The following STXBP3 variants were observed in gnomAD, a reference collection of about 807,000 sequenced individuals.
STXBP3 encodes the protein syntaxin binding protein 3.
In STXBP3, 41 loss-of-function variants were observed where a neutral mutation model predicts 85.7. The observed-to-expected ratio is 0.48, with a 90% CI of 0.37 to 0.62. STXBP3 has a LOEUF of 0.62. STXBP3 is among the 20% of genes least tolerant of loss of function. The pLI, the probability that STXBP3 is intolerant of heterozygous loss-of-function variation, is 0.00. For missense variants in STXBP3, 563 were observed against 703.1 expected, an observed-to-expected ratio of 0.80 and a Z score of 2.25; for synonymous variants, 229 against 231.7, an observed-to-expected ratio of 0.99 and a Z score of 0.10.
At chr1:108,767,269 G>T in intron 6 of STXBP3, 1 of 229,184 alleles carries the variant, frequency 4.4e-6, no homozygotes, top group Non-Finnish European at 8.6e-6. Flanking sequence ...GTCATGTGCT[G>T]TAAATGTGTG....
chr1:108,757,130 TTC>T (rs1051415168), intron 4 of STXBP3: 4 of 160,724 alleles, frequency 2.5e-5, no homozygotes, highest in African/African-American at 9.6e-5. Context: ...CTCAGTGACT[TTC>T]CTGTAGCATA....
intron 11 of STXBP3, among the ~76,000 whole-genome samples, chr1:108,783,969 G>T (rs1312437650): frequency 6.9e-6 from 1 of 144,666 alleles, no homozygotes; most frequent in Non-Finnish European, 1.5e-5. Flanking sequence ...AAGGTCTTTT[G>T]CCCATTTTTA....
Position 108,751,276 on chromosome 1 carries a change from G to A in STXBP3, c.50-981G>A, listed in dbSNP as rs141453523. ...CAGACGGAAGAGATGCTATCACTCA[G>A]GAGATTCCAAGGTCTTTAGGGGCTC... On this transcript the variant is annotated intron_variant, in intron 1 of 18. Transcript: ENST00000370008. 2.8e-3 allele frequency among the ~76,000 whole-genome samples: 433 copies of A among 152,236 alleles called. 1 individual carries two copies. Among genetic ancestry groups the A allele is most frequent in the African/African-American group, 0.01 (425 of 41,538 alleles).
At chr1:108,774,811 T>G (rs766192819) in intron 7 of STXBP3, among the ~76,000 whole-genome samples, 1 of 152,026 alleles carries the variant, frequency 6.6e-6, no homozygotes, top group Non-Finnish European at 1.5e-5. Context: ...GCTAAGTGGT[T>G]TGGCTCCTGT....
chr1:108,755,290 C>CA (rs1661996036), intron 3 of STXBP3, among the ~76,000 whole-genome samples: 1 of 151,642 alleles, frequency 6.6e-6, no homozygotes, highest in Non-Finnish European at 1.5e-5. Flanking sequence ...TACTAAAATC[C>CA]AAAAAAATTA....
At position 108,776,432 on chromosome 1, in the gene STXBP3, T is replaced by C. The variant is rs1662596271; in HGVS notation, c.684+9T>C. 3.8e-6 allele frequency: 6 copies of C among 1,586,586 alleles called. No homozygotes were observed. In the East Asian group the frequency reaches 6.7e-5, roughly 18 times the overall value. On this transcript the variant is annotated intron_variant, in intron 8 of 18. Coordinates refer to ENST00000370008, the MANE Select transcript of STXBP3 (RefSeq NM_007269.4). ...AAAAGAGCCTAATAAAGGTAATGTA[T>C]GCAAGGCAAGTAATGACTATGCATA... is the stretch of plus-strand genomic sequence containing the variant.
intron 16 of STXBP3, among the ~76,000 whole-genome samples, chr1:108,798,662 C>T (rs1663168034): frequency 6.6e-6 from 1 of 152,134 alleles, no homozygotes. Flanking sequence ...GATCCACCCA[C>T]CTTGGCCTCC....
rs1410398158 is a variant in STXBP3 at position 108,749,939 on chromosome 1, C to T, written c.50-2318C>T. 2.6e-5 allele frequency among the ~76,000 whole-genome samples: 4 copies of T among 152,028 alleles called. No homozygotes were observed. In the East Asian group the frequency reaches 7.7e-4, roughly 29 times the overall value. Reference sequence around the variant, plus strand: ...TTGACCTAATAAGTTTTTTACATTCCTTTTTTTGTGCTAAGGTTTTTTGAA... The same window carrying T: ...TTGACCTAATAAGTTTTTTACATTCTTTTTTTTGTGCTAAGGTTTTTTGAA... On this transcript the variant is annotated intron_variant, in intron 1 of 18. Coordinates refer to ENST00000370008, the MANE Select transcript of STXBP3 (RefSeq NM_007269.4).
Position 108,746,803 on chromosome 1 carries a change from A to G in STXBP3, c.49+17A>G, listed in dbSNP as rs757409283. The G allele has an allele frequency of 1.3e-6, 2 of 1,542,760 alleles. No homozygotes were observed. Among genetic ancestry groups the G allele is most frequent in the Non-Finnish European group, 1.7e-6 (2 of 1,143,890 alleles). ...TGTGGCAGAGTGAGTGCGGTGGGGT[A>G]GGGGTTGAGAGAGGGAAGGCCGGGA... On this transcript the variant is annotated intron_variant, in intron 1 of 18. Coordinates refer to ENST00000370008, the MANE Select transcript of STXBP3 (RefSeq NM_007269.4).
chr1:108,777,765 C>T (rs912125055), intron 8 of STXBP3, among the ~76,000 whole-genome samples: 1 of 152,142 alleles, frequency 6.6e-6, no homozygotes, highest in African/African-American at 2.4e-5. Flanking sequence ...TAAAGTGTCA[C>T]CTTATTTTTG....
chr1:108,775,395 C>T (rs930185172), intron 7 of STXBP3, among the ~76,000 whole-genome samples: 9 of 152,056 alleles, frequency 5.9e-5, no homozygotes, highest in African/African-American at 2.2e-4. Context: ...GGATATCTAT[C>T]ACCTCAAGCA....
At chr1:108,762,934 A>G (rs1318045741) in intron 6 of STXBP3, among the ~76,000 whole-genome samples, 2 of 152,234 alleles carry the variant, frequency 1.3e-5, no homozygotes, top group East Asian at 1.9e-4. Flanking sequence ...TCAAGGCCAT[A>G]TGGGTACTGT....
Position 108,807,408 on chromosome 1 carries a change from C to T in STXBP3, c.1543C>T (p.Gln515Ter), listed in dbSNP as rs1663363106. 1.2e-6 allele frequency: 2 copies of T among 1,602,328 alleles called. No individual in the cohort carries two copies. The highest frequency in any genetic ancestry group is 1.7e-6 in the Non-Finnish European group (2 of 1,177,012). The change falls in exon 18 of 19, where the codon CAG becomes TAG. Residue 515 changes from glutamine to a stop codon, truncating the protein, a stop_gained. Transcript: ENST00000370008. LOFTEE classifies it high-confidence loss of function. ...WNGSGAVSAR[Q>*]KPRANYLEDR... Reference sequence around the variant, plus strand: ...TTTTAAATTACTTTTTAGTGCTCGCCAGAAACCCAGAGCTAATTATTTAGA... The same window carrying T: ...TTTTAAATTACTTTTTAGTGCTCGCTAGAAACCCAGAGCTAATTATTTAGA...
intron 7 of STXBP3, among the ~76,000 whole-genome samples, chr1:108,774,264 T>A (rs559653999): frequency 6.6e-6 from 1 of 152,302 alleles, no homozygotes; most frequent in East Asian, 1.9e-4. Context: ...ATAAGAATGA[T>A]AATAATACCT....
chr1:108,753,266 C>A, intron 3 of STXBP3, 122 bp downstream of exon 3: 1 of 587,268 alleles, frequency 1.7e-6, no homozygotes, highest in Non-Finnish European at 2.8e-6. Context: ...GTAGCCATAA[C>A]TATTAGATTT....
chr1:108,807,853 A>G (rs1412216760), intron 18 of STXBP3, among the ~76,000 whole-genome samples: 1 of 152,170 alleles, frequency 6.6e-6, no homozygotes, highest in East Asian at 1.9e-4. Flanking sequence ...CTGGGATTAC[A>G]GACATGAGCC....
Position 108,797,655 on chromosome 1 carries a change from G to A in STXBP3, c.1357-490G>A, listed in dbSNP as rs752143188. On this transcript the variant is annotated intron_variant, in intron 15 of 18. Coordinates refer to ENST00000370008, the MANE Select transcript of STXBP3 (RefSeq NM_007269.4). ...ACTCCTGACCTCAGGTGATCTGCCC[G>A]CCTCAGCCTCCCAAAGTTCTGGGAT... Among the ~76,000 whole-genome samples the A allele has an allele frequency of 4.1e-4, 62 of 151,984 alleles. 1 individual carries two copies. The highest frequency in any genetic ancestry group is 2.5e-3 in the South Asian group (12 of 4,824).
At position 108,775,637 on chromosome 1, in the gene STXBP3, G is replaced by C. The variant is rs182433120; in HGVS notation, c.594-696G>C. On this transcript the variant is annotated intron_variant, in intron 7 of 18. Transcript: ENST00000370008. ...GAATTGTTTTCATTTTTAGCTCCCGGAAGCAAGTGAGAACATGCGAAATGT... is the reference window on the plus strand; with the variant it reads ...GAATTGTTTTCATTTTTAGCTCCCGCAAGCAAGTGAGAACATGCGAAATGT... 7.2e-5 allele frequency among the ~76,000 whole-genome samples: 11 copies of C among 152,014 alleles called. 1 individual carries two copies. In the East Asian group the frequency reaches 7.7e-4, roughly 11 times the overall value.
intron 2 of STXBP3, among the ~76,000 whole-genome samples, chr1:108,752,731 G>A (rs1313883146): frequency 2.0e-5 from 3 of 152,182 alleles, no homozygotes; most frequent in Admixed American, 6.5e-5. Context: ...TTAATCCATG[G>A]AAATTACTTA....
Sources: gnomAD v4.1 joint callset for allele counts (sites outside exome capture counted in the v4.1 genomes callset) on GRCh38, gnomAD v4.1.1 for gene constraint, MANE v1.5 for transcripts, NCBI Gene and HGNC (gene_info 2026-07-23, HGNC 2026-07-21) for gene names.